Variants in C1GALT1 observed in about 807,000 individuals in gnomAD.
The protein encoded by C1GALT1 is glycoprotein-N-acetylgalactosamine 3-beta-galactosyltransferase 1.
Under a neutral mutation model 31.0 loss-of-function variants are expected in C1GALT1, and 11 were observed. The ratio of observed to expected loss-of-function variants is 0.36; its 90% CI spans 0.22 to 0.59. The LOEUF (loss-of-function observed/expected upper bound fraction) is 0.59, where lower values mean the gene tolerates loss of function less well. Among genes scored for constraint, C1GALT1 ranks in the 20% least tolerant of loss-of-function variants. The pLI is 0.79. For synonymous variants in C1GALT1, 175 were observed against 143.6 expected (o/e 1.22, Z -1.56); for missense variants, 424 against 425.2 (o/e 1.00, Z 0.03).
At chr7:7,226,574 G>T (rs1192917596) in intron 1 of C1GALT1, among the ~76,000 whole-genome samples, 1 of 152,174 alleles carries the variant, frequency 6.6e-6, no homozygotes, top group African/African-American at 2.4e-5. Context: ...TGGCACCCAT[G>T]TAAGAAGACC....
intron 1 of C1GALT1, among the ~76,000 whole-genome samples, chr7:7,223,483 T>C (rs1209464351): frequency 6.6e-6 from 1 of 152,196 alleles, no homozygotes; most frequent in Non-Finnish European, 1.5e-5. Context: ...TCTTTAGTTT[T>C]ATATGGGAAG....
chr7:7,233,710 A>T (rs1383896044), intron 1 of C1GALT1, among the ~76,000 whole-genome samples: 1 of 152,196 alleles, frequency 6.6e-6, no homozygotes, highest in Non-Finnish European at 1.5e-5. Context: ...TGTTCAAATA[A>T]AACTCTATTT....
At position 7,248,301 on chromosome 7, in the gene C1GALT1, C is replaced by T. The variant is rs1583849992; in HGVS notation, c.*4574C>T. On this transcript the variant is annotated 3_prime_UTR_variant, in exon 4 of 4. Transcript: ENST00000436587. ...TCAACTCCCTTACCTCTCTAGTTTT[C>T]AGTTTATATTAAGTTTTAATAACTT... is the stretch of plus-strand genomic sequence containing the variant. The T allele has an allele frequency of 4.0e-5, 6 of 151,866 alleles. No homozygotes were observed. The East Asian group carries it at 7.7e-4, about 20-fold the overall frequency. The allele number at this position is 151,866 out of a possible 1,614,324, so 9.4% of individuals were successfully genotyped here.
At chr7:7,232,497 GT>G (rs72339945) in intron 1 of C1GALT1, among the ~76,000 whole-genome samples, 80,452 of 134,274 alleles carry the variant, frequency 0.6, 22,802 homozygotes, top group East Asian at 0.76. Flanking sequence ...TTTTTTTTTT[GT>G]TTTTTTTTTT....
At chr7:7,200,723 C>G (rs4481494) in intron 1 of C1GALT1, among the ~76,000 whole-genome samples, 1 of 152,094 alleles carries the variant, frequency 6.6e-6, no homozygotes, top group African/African-American at 2.4e-5. Flanking sequence ...CTAAACTTCT[C>G]TTCTCTCTTC....
At chr7:7,233,463 A>G (rs952609389) in intron 1 of C1GALT1, among the ~76,000 whole-genome samples, 1 of 152,010 alleles carries the variant, frequency 6.6e-6, no homozygotes, top group Non-Finnish European at 1.5e-5. Context: ...TGCCCAGCTA[A>G]TTTTTTACCA....
intron 1 of C1GALT1, among the ~76,000 whole-genome samples, chr7:7,233,325 G>A (rs935447166): frequency 6.6e-6 from 1 of 151,942 alleles, no homozygotes; most frequent in African/African-American, 2.4e-5. Context: ...GTTGAGTGGT[G>A]CAGTCTTGGC....
chr7:7,207,674 G>C (rs1166579267), intron 1 of C1GALT1, among the ~76,000 whole-genome samples: 4 of 151,068 alleles, frequency 2.6e-5, no homozygotes, highest in African/African-American at 9.7e-5. Context: ...ATATTTTTCT[G>C]TTTCTTTGTA....
intron 1 of C1GALT1, among the ~76,000 whole-genome samples, chr7:7,199,227 G>T (rs1781432985): frequency 6.6e-6 from 1 of 152,086 alleles, no homozygotes; most frequent in Non-Finnish European, 1.5e-5. Flanking sequence ...AGAGATTCTG[G>T]TATGTTGTGT....
rs1324093708 is a variant in C1GALT1 at position 7,238,107 on chromosome 7, A to C, written c.221-148A>C. ...ATAAATCAGAGTGTCAGTTCACATT[A>C]GGATGAGTTTGCTTTCCTTTGGCTA... On this transcript the variant is annotated intron_variant, in intron 2 of 3. Coordinates refer to ENST00000436587, the MANE Select transcript of C1GALT1 (RefSeq NM_020156.5). This position sits in a 1 kb window ranked among gnomAD's most constrained non-coding sequence, Gnocchi z 5.2. 1 of 689,742 alleles carries C rather than the reference A, an allele frequency of 1.4e-6. No homozygotes were observed. Among genetic ancestry groups the C allele is most frequent in the Non-Finnish European group, 2.4e-6 (1 of 424,224 alleles). The allele number at this position is 689,742 out of a possible 1,614,324, so 42.7% of individuals were successfully genotyped here.
At chr7:7,182,369 G>T (rs147426446), upstream of C1GALT1, among the ~76,000 whole-genome samples, 473 of 152,330 alleles carry the variant, frequency 3.1e-3, 5 homozygotes, top group Middle Eastern at 0.027. Flanking sequence ...CCGCAAGGGG[G>T]ATACAACAAA....
chr7:7,209,931 C>G (rs1781915173), intron 1 of C1GALT1, among the ~76,000 whole-genome samples: 1 of 152,064 alleles, frequency 6.6e-6, no homozygotes, highest in Non-Finnish European at 1.5e-5. Context: ...GGGAGTTGTT[C>G]TCTGGCGGGC....
At chr7:7,203,176 C>T (rs1208848940) in intron 1 of C1GALT1, among the ~76,000 whole-genome samples, 1 of 148,048 alleles carries the variant, frequency 6.8e-6, no homozygotes, top group Non-Finnish European at 1.5e-5. Flanking sequence ...TTTTTCTTTC[C>T]AGTTTGGTTG....
At chr7:7,183,196 T>G (rs1488167302) in intron 1 of C1GALT1, among the ~76,000 whole-genome samples, 1 of 149,344 alleles carries the variant, frequency 6.7e-6, no homozygotes, top group Non-Finnish European at 1.5e-5. Context: ...TTAGCGGTCC[T>G]GCCCCGCCGG....
At chr7:7,230,655 TGGGG>T (rs1783031331) in intron 1 of C1GALT1, among the ~76,000 whole-genome samples, 1 of 149,802 alleles carries the variant, frequency 6.7e-6, no homozygotes, top group Non-Finnish European at 1.5e-5. Flanking sequence ...TGCCTTGATT[TGGGG>T]TATTTTCCCA....
intron 1 of C1GALT1, among the ~76,000 whole-genome samples, chr7:7,216,763 C>G (rs528043842): frequency 6.6e-6 from 1 of 152,308 alleles, no homozygotes; most frequent in African/African-American, 2.4e-5. Flanking sequence ...GGACTAAAAT[C>G]TGGCTGCCGA....
intron 1 of C1GALT1, among the ~76,000 whole-genome samples, chr7:7,217,143 T>C (rs75327177): frequency 0.046 from 6,986 of 152,208 alleles, 381 homozygotes; most frequent in African/African-American, 0.14. Context: ...TGCACCAAAA[T>C]GATAATGGTT....
chr7:7,200,345 C>CT (rs1413130963), intron 1 of C1GALT1, among the ~76,000 whole-genome samples: 2 of 152,190 alleles, frequency 1.3e-5, no homozygotes, highest in Non-Finnish European at 2.9e-5. Flanking sequence ...AAATTCTTTT[C>CT]TTTAAGAATG....
At chr7:7,157,659 G>GTC (rs1244588221) in intron 2 of C1GALT1, among the ~76,000 whole-genome samples, 4 of 152,070 alleles carry the variant, frequency 2.6e-5, no homozygotes, top group African/African-American at 7.3e-5. Flanking sequence ...ACTTAGTTAG[G>GTC]TGTCTATTAG....
Sources: gnomAD v4.1 joint callset for allele counts (sites outside exome capture counted in the v4.1 genomes callset) on GRCh38, gnomAD v4.1.1 for gene constraint, Gnocchi (gnomAD v3.1) non-coding constraint, MANE v1.5 for transcripts, NCBI Gene and HGNC (gene_info 2026-07-23, HGNC 2026-07-21) for gene names.